The following MPP4 variants were observed in gnomAD, a reference collection of about 807,000 sequenced individuals.
The protein encoded by MPP4 is MAGUK p55 subfamily member 4.
MPP4 carries 91 observed loss-of-function variants against 98.3 expected under a neutral mutation model. The ratio of observed to expected loss-of-function variants is 0.93; its 90% CI spans 0.78 to 1.10. The LOEUF is 1.10. Ranked by LOEUF, MPP4 falls within the 50% of genes least tolerant of loss-of-function variation. MPP4 has a pLI of 0.00. For missense variants in MPP4, 744 were observed against 792.9 expected (o/e 0.94, Z 0.74); for synonymous variants, 261 against 271.8 (o/e 0.96, Z 0.39).
At chr2:201,695,831 C>T (rs1458886387) in intron 1 of MPP4, among the ~76,000 whole-genome samples, 1 of 152,132 alleles carries the variant, frequency 6.6e-6, no homozygotes, top group African/African-American at 2.4e-5. Context: ...GCTCAGAGTG[C>T]ACCAAAATGG....
Position 201,690,257 on chromosome 2 carries a change from A to T in MPP4, c.224T>A (p.Phe75Tyr). 6.2e-7 allele frequency: 1 copy of T among 1,607,814 alleles called. No individual in the cohort carries two copies. Among genetic ancestry groups the T allele is most frequent in the Non-Finnish European group, 8.5e-7 (1 of 1,176,934 alleles). Reference sequence around the variant, plus strand: ...GGCAGGAACTAGTTTCTTTTCTTTAAATTCCTGGAGGCAGTCATAAATCTG... The same window carrying T: ...GGCAGGAACTAGTTTCTTTTCTTTATATTCCTGGAGGCAGTCATAAATCTG... ...LLKIYDCLQE[F>Y]KEKKLVPATP... is the part of the protein sequence containing the mutation. Residue 75 changes from phenylalanine to tyrosine, a missense_variant, in exon 4 of 22, where the codon TTT becomes TAT. Coordinates refer to ENST00000409474, the MANE Select transcript of MPP4 (RefSeq NM_033066.3).
Position 201,664,187 on chromosome 2 carries a change from C to T in MPP4, c.1052-86G>A, listed in dbSNP as rs143895610. On this transcript the variant is annotated intron_variant, in intron 13 of 21. Coordinates refer to ENST00000409474, the MANE Select transcript of MPP4 (RefSeq NM_033066.3). ...CTATATTTTAAGTCTAATTCTCTGG[C>T]CCCTACTTCTGCCCATACACCACCT... 4.7e-5 allele frequency: 70 copies of T among 1,503,388 alleles called. No individual in the cohort carries two copies. In the East Asian group the frequency reaches 1.5e-3, roughly 32 times the overall value. 93.1% of individuals were successfully genotyped at this position (1,503,388 alleles called of 1,614,324 possible). A position where few individuals can be genotyped will look rare whatever the true frequency, so the allele number is the denominator to read the frequency against.
At chr2:201,652,661 G>A (rs1006333036) in intron 18 of MPP4, among the ~76,000 whole-genome samples, 1 of 152,024 alleles carries the variant, frequency 6.6e-6, no homozygotes, top group Non-Finnish European at 1.5e-5. Context: ...CACACATCTG[G>A]CTCAAATTTG....
At chr2:201,668,117 G>T (rs1291356223) in intron 12 of MPP4, among the ~76,000 whole-genome samples, 1 of 152,080 alleles carries the variant, frequency 6.6e-6, no homozygotes, top group Non-Finnish European at 1.5e-5. Context: ...ATTTTACAGA[G>T]GAAGGTACAA....
chr2:201,658,638 A>G, intron 15 of MPP4, 120 bp from the exon 16 acceptor site: 1 of 782,912 alleles, frequency 1.3e-6, no homozygotes, highest in Non-Finnish European at 2.0e-6. Flanking sequence ...AGCAGAGTTG[A>G]ATTTATCCTT....
chr2:201,650,481 T>A, intron 18 of MPP4: 1 of 985,460 alleles, frequency 1.0e-6, no homozygotes, highest in Non-Finnish European at 1.2e-6. Flanking sequence ...AACCTTTAGA[T>A]GCCTGAAAGC....
At position 201,667,662 on chromosome 2, in the gene MPP4, C is replaced by T. The variant is rs1574614881; in HGVS notation, c.1013-1290G>A. Among the ~76,000 whole-genome samples, 4 of 152,234 alleles carry T rather than the reference C, an allele frequency of 2.6e-5. No homozygotes were observed. The Middle Eastern group carries it at 0.014, about 518-fold the overall frequency. ...CAGTGCCCAGCACATCCCAGGTGCT[C>T]AACAAATACGGATTTAATAAATGAA... On this transcript the variant is annotated intron_variant, in intron 12 of 21. Transcript: ENST00000409474.
chr2:201,679,768 C>T (rs989112289), intron 10 of MPP4, among the ~76,000 whole-genome samples: 4 of 152,220 alleles, frequency 2.6e-5, no homozygotes, highest in African/African-American at 7.2e-5. Flanking sequence ...CCACTCTCCC[C>T]TCTGGCTATT....
intron 17 of MPP4, among the ~76,000 whole-genome samples, chr2:201,655,618 CG>C (rs1687827203): frequency 6.6e-6 from 1 of 152,200 alleles, no homozygotes; most frequent in Non-Finnish European, 1.5e-5. Flanking sequence ...CAGGCAGACA[CG>C]AAGGCAGTAG....
rs1231806403 is a variant in MPP4 at position 201,680,929 on chromosome 2, C to T, written c.838G>A (p.Asp280Asn). The T allele has an allele frequency of 6.2e-7, 1 of 1,613,708 alleles. No individual in the cohort carries two copies. The highest frequency in any genetic ancestry group is 8.5e-7 in the Non-Finnish European group (1 of 1,179,854). ...FQKGDILQIV[D>N]QNDALWWQAR... ...TGCCACCAGAGGGCATCATTCTGGT[C>T]CACAATCTGGAGGATGTCCCCCTTC... The change falls in exon 10 of 22, where the codon GAC becomes AAC. Residue 280 changes from aspartate to asparagine, a missense_variant. Coordinates refer to ENST00000409474, the MANE Select transcript of MPP4 (RefSeq NM_033066.3).
At chr2:201,690,147 G>A (rs778125465) in intron 4 of MPP4, 55 bp downstream of exon 4, 112 of 1,188,174 alleles carry the variant, frequency 9.4e-5, no homozygotes, top group Non-Finnish European at 1.3e-4. Context: ...TAGCAATGTG[G>A]GGAAAATGGC....
chr2:201,650,372 T>C, intron 18 of MPP4: 3 of 985,438 alleles, frequency 3.0e-6, no homozygotes, highest in African/African-American at 1.7e-5. Context: ...TGAGTGCTTA[T>C]GGTATGAAAA....
intron 1 of MPP4, among the ~76,000 whole-genome samples, chr2:201,694,949 A>C (rs1023118120): frequency 2.6e-5 from 4 of 152,034 alleles, no homozygotes; most frequent in African/African-American, 4.8e-5. Flanking sequence ...ATTTAATACC[A>C]GTCTTTGAAA....
rs760097084 is a variant in MPP4, at chr2:201,645,158, GATCGCTGT to G, written c.*44_*51del. On this transcript the variant is annotated 3_prime_UTR_variant, in exon 22 of 22. Coordinates refer to ENST00000409474, the MANE Select transcript of MPP4 (RefSeq NM_033066.3). ...ACTGTTGTTTTAGATTGCAACTATG[GATCGCTGT>G]ATCAAGGGTACAGTGTTAAAACTCC... is the stretch of plus-strand genomic sequence containing the variant. 6 of 1,439,786 alleles carry G rather than the reference GATCGCTGT, an allele frequency of 4.2e-6. No individual in the cohort carries two copies. The highest frequency in any genetic ancestry group is 5.6e-6 in the Non-Finnish European group (6 of 1,065,968). The allele number at this position is 1,439,786 out of a possible 1,614,324, so 89.2% of individuals were successfully genotyped here.
intron 13 of MPP4, 151 bp downstream of exon 13, chr2:201,666,183 A>C (rs1688169459): frequency 1.8e-6 from 1 of 544,122 alleles, no homozygotes; most frequent in African/African-American, 2.0e-5. Context: ...CAAGTGCCAG[A>C]ACTACAGAAG....
chr2:201,677,378 C>T (rs1688535155), intron 10 of MPP4, among the ~76,000 whole-genome samples: 1 of 152,158 alleles, frequency 6.6e-6, no homozygotes, highest in Admixed American at 6.5e-5. Context: ...CTAACTCCCC[C>T]AATTTGCAAT....
chr2:201,669,700 G>A (rs756619566), intron 12 of MPP4, 33 bp downstream of exon 12: 10 of 1,379,850 alleles, frequency 7.2e-6, no homozygotes, highest in Middle Eastern at 1.9e-4. Context: ...AGACTTTGGA[G>A]ATAAGAGTTT....
intron 11 of MPP4, 89 bp downstream of exon 11, chr2:201,675,118 G>A (rs746624445): frequency 7.4e-7 from 1 of 1,355,022 alleles, no homozygotes; most frequent in African/African-American, 1.4e-5. Flanking sequence ...GGCATGGCCA[G>A]CCTCACATCA....
chr2:201,651,647 C>T, intron 18 of MPP4: 1 of 985,288 alleles, frequency 1.0e-6, no homozygotes, highest in Non-Finnish European at 1.2e-6. Flanking sequence ...TATTTTTATT[C>T]AGACTATCGA....
Sources: allele counts gnomAD v4.1 joint callset (sites outside exome capture counted in the v4.1 genomes callset), GRCh38; gene constraint gnomAD v4.1.1; transcripts MANE v1.5; gene names NCBI Gene and HGNC (gene_info 2026-07-23, HGNC 2026-07-21).